RUNX3: variants seen among roughly 807,000 people sequenced by gnomAD.
RUNX3 encodes RUNX family transcription factor 3.
Under a neutral mutation model 27.7 loss-of-function variants are expected in RUNX3, and 10 were observed. That is an observed-to-expected ratio of 0.36 (90% CI 0.22 to 0.61). The LOEUF is 0.61. Among genes scored for constraint, RUNX3 ranks in the 20% least tolerant of loss-of-function variants. The probability of loss-of-function intolerance (pLI) is 0.72; values close to 1 mark genes in which losing one functional copy is unlikely to be tolerated. For synonymous variants in RUNX3, 270 were observed against 269.2 expected (o/e 1.00, Z -0.03); for missense variants, 469 against 629.5 (o/e 0.75, Z 2.73).
Position 24,914,056 on chromosome 1 carries a change from C to T in RUNX3, c.544+5184G>A, listed in dbSNP as rs551206686. On this transcript the variant is annotated intron_variant, in intron 3 of 4. Coordinates refer to ENST00000308873, the MANE Select transcript of RUNX3 (RefSeq NM_004350.3). ...GTCAAGGTCACACGGTGTGTGGCAC[C>T]CCTGAGATTCAAACCTGGAAAGGTC... Among the ~76,000 whole-genome samples the T allele has an allele frequency of 3.9e-5, 6 of 152,304 alleles. No homozygotes were observed. The South Asian group carries it at 1.2e-3, about 32-fold the overall frequency.
chr1:24,957,716 T>C (rs1439305474), intron 2 of RUNX3, among the ~76,000 whole-genome samples: 4 of 152,212 alleles, frequency 2.6e-5, no homozygotes, highest in African/African-American at 9.7e-5. Flanking sequence ...TGCCGGGCCC[T>C]GTGCTGTGCA....
intron 2 of RUNX3, among the ~76,000 whole-genome samples, chr1:24,921,233 G>A (rs1363424133): frequency 1.3e-5 from 2 of 152,196 alleles, no homozygotes; most frequent in Non-Finnish European, 2.9e-5. Flanking sequence ...AGTTCTCTTT[G>A]CATGGCCGGG....
chr1:24,953,142 G>A (rs930348001), intron 2 of RUNX3, among the ~76,000 whole-genome samples: 5 of 152,048 alleles, frequency 3.3e-5, no homozygotes, highest in South Asian at 4.2e-4. Context: ...TGAGGCGGGC[G>A]GATCACGAGG....
rs145354992 is a variant in RUNX3, at chr1:24,902,164, G to A, written c.1206C>T (p.Ser402=). Residue 402 remains serine (S), a synonymous_variant, in exon 5 of 5, where the codon AGC becomes AGT. Coordinates refer to ENST00000308873, the MANE Select transcript of RUNX3 (RefSeq NM_004350.3). The surrounding 1 kb of genome is among the most constrained non-coding windows in gnomAD (Gnocchi z 9.2). ...CGGCCTCATCCATGCGGCCTGGCGTGCTCAGGGCCGTGGGTGAGTTGCTGT... is the reference window on the plus strand; with the variant it reads ...CGGCCTCATCCATGCGGCCTGGCGTACTCAGGGCCGTGGGTGAGTTGCTGT... ...GSHSNSPTAL[S]TPGRMDEAVW... 1.7e-5 allele frequency: 27 copies of A among 1,572,382 alleles called. 1 individual carries two copies. In the African/African-American group the frequency reaches 3.6e-4, roughly 21 times the overall value.
chr1:24,962,765 C>T lies in RUNX3; in HGVS notation c.58+1749G>A, dbSNP rs1321324433. On this transcript the variant is annotated intron_variant, in intron 2 of 6. Coordinates refer to the RUNX3 transcript ENST00000338888. The surrounding 1 kb of genome is among the most constrained non-coding windows in gnomAD (Gnocchi z 4.5). ...TACATGACATGTTGGGCCAAAGCCA[C>T]CTCTCCCTTTGTGCCCTTTGTGCTA... is the stretch of plus-strand genomic sequence containing the variant. Among the ~76,000 whole-genome samples the T allele has an allele frequency of 6.6e-6, 1 of 152,186 alleles. No homozygotes were observed. The highest frequency in any genetic ancestry group is 1.9e-4 in the East Asian group (1 of 5,198).
chr1:24,927,510 A>G lies in RUNX3; in HGVS notation c.439+64T>C. 4 of 1,556,482 alleles carry G rather than the reference A, an allele frequency of 2.6e-6. No homozygotes were observed. Among genetic ancestry groups the G allele is most frequent in the Admixed American group, 1.7e-5 (1 of 59,674 alleles). ...TCGGGATTCTAAGGCCCCTCTTTCAACCTCCTTCCCTGCTGCCCCTGCCAT... is the reference window on the plus strand; with the variant it reads ...TCGGGATTCTAAGGCCCCTCTTTCAGCCTCCTTCCCTGCTGCCCCTGCCAT... On this transcript the variant is annotated intron_variant, in intron 2 of 4. Coordinates refer to ENST00000308873, the MANE Select transcript of RUNX3 (RefSeq NM_004350.3). The surrounding 1 kb of genome is among the most constrained non-coding windows in gnomAD (Gnocchi z 5.0).
At chr1:24,960,999 C>A (rs1030300546) in intron 2 of RUNX3, among the ~76,000 whole-genome samples, 1 of 152,204 alleles carries the variant, frequency 6.6e-6, no homozygotes, top group Non-Finnish European at 1.5e-5. Flanking sequence ...CATCCATGCA[C>A]CAGCCCTGAG....
chr1:24,945,109 C>T (rs1641574083), intron 2 of RUNX3, among the ~76,000 whole-genome samples: 1 of 152,164 alleles, frequency 6.6e-6, no homozygotes, highest in South Asian at 2.1e-4. Flanking sequence ...CTTGGTGTTA[C>T]ATTCGCAGAT....
Position 24,927,614 on chromosome 1 carries a change from G to C in RUNX3, c.399C>G (p.Ala133=). 2 of 1,614,144 alleles carry C rather than the reference G, an allele frequency of 1.2e-6. No homozygotes were observed. The highest frequency in any genetic ancestry group is 1.7e-6 in the Non-Finnish European group (2 of 1,180,038). Residue 133 remains alanine (A), a synonymous_variant, in exon 2 of 5, where the codon GCC becomes GCG. Coordinates refer to ENST00000308873, the MANE Select transcript of RUNX3 (RefSeq NM_004350.3). This position sits in a 1 kb window ranked among gnomAD's most constrained non-coding sequence, Gnocchi z 5.0. The part of the protein sequence containing the change: ...NASAVMKNQV[A]RFNDLRFVGR... The stretch of plus-strand genomic sequence containing the variant: ...CCACGAAGCGAAGGTCGTTGAACCT[G>C]GCCACCTGGTTCTTCATGACGGCCG...
At chr1:24,963,795 A>G (rs554841572) in intron 2 of RUNX3, among the ~76,000 whole-genome samples, 1 of 152,166 alleles carries the variant, frequency 6.6e-6, no homozygotes, top group Non-Finnish European at 1.5e-5. Flanking sequence ...TAGAGGCTCC[A>G]GGTCGGGGAT....
Position 24,902,065 on chromosome 1 carries a change from C to T in RUNX3, c.*57G>A. 2.8e-6 allele frequency: 4 copies of T among 1,428,772 alleles called. No homozygotes were observed. Among genetic ancestry groups the T allele is most frequent in the Non-Finnish European group, 3.7e-6 (4 of 1,081,190 alleles). The allele number at this position is 1,428,772 out of a possible 1,614,324, so 88.5% of individuals were successfully genotyped here. On this transcript the variant is annotated 3_prime_UTR_variant, in exon 5 of 5. Transcript: ENST00000308873. The surrounding 1 kb of genome is among the most constrained non-coding windows in gnomAD (Gnocchi z 9.2). ...CCGGAGCCTCGGAGCCGGCCCATCA[C>T]TGGTCTTGAAGGTTGTTAGGGTCCC...
Position 24,902,905 on chromosome 1 carries a change from C to T in RUNX3, c.704-239G>A, listed in dbSNP as rs1257984658. Among the ~76,000 whole-genome samples the T allele has an allele frequency of 6.6e-6, 1 of 152,190 alleles. No individual in the cohort carries two copies. Among genetic ancestry groups the T allele is most frequent in the Non-Finnish European group, 1.5e-5 (1 of 68,012 alleles). On this transcript the variant is annotated intron_variant, in intron 4 of 4. Transcript: ENST00000308873. The surrounding 1 kb of genome is among the most constrained non-coding windows in gnomAD (Gnocchi z 9.2). ...GCCAAGAGGGGCCATGGGAGCCCCCCCACAGCAGCAACAGAACAGAGGAGG... is the reference window on the plus strand; with the variant it reads ...GCCAAGAGGGGCCATGGGAGCCCCCTCACAGCAGCAACAGAACAGAGGAGG...
intron 4 of RUNX3, among the ~76,000 whole-genome samples, chr1:24,905,147 G>T (rs927685514): frequency 3.3e-5 from 5 of 152,160 alleles, no homozygotes; most frequent in Admixed American, 6.5e-5. Flanking sequence ...GTGGTGGTGG[G>T]GTGTCCCAAG....
At chr1:24,938,110 A>G (rs1385624141) in intron 2 of RUNX3, among the ~76,000 whole-genome samples, 1 of 152,220 alleles carries the variant, frequency 6.6e-6, no homozygotes, top group Admixed American at 6.5e-5. Flanking sequence ...ATAGATTGCC[A>G]TGTCCTATAA....
chr1:24,951,021 C>G (rs1331599923), intron 2 of RUNX3, among the ~76,000 whole-genome samples: 1 of 152,044 alleles, frequency 6.6e-6, no homozygotes. Flanking sequence ...TCCTGGATAA[C>G]ATGGGGAAAC....
chr1:24,951,217 A>AAAT (rs1553207428), intron 2 of RUNX3, among the ~76,000 whole-genome samples: 8 of 147,868 alleles, frequency 5.4e-5, no homozygotes, highest in East Asian at 1.9e-4. Flanking sequence ...AAAAAAAAAA[A>AAAT]AAAAAATAAG....
At chr1:24,948,175 G>T (rs572706438) in intron 2 of RUNX3, among the ~76,000 whole-genome samples, 5 of 152,342 alleles carry the variant, frequency 3.3e-5, no homozygotes, top group Admixed American at 6.5e-5. Context: ...GAAGAGGAAG[G>T]ATTTCCTGGC....
chr1:24,963,634 G>A (rs1387222965), intron 2 of RUNX3, among the ~76,000 whole-genome samples: 1 of 152,118 alleles, frequency 6.6e-6, no homozygotes, highest in African/African-American at 2.4e-5. Context: ...TTGAGCTCAG[G>A]GACTCTTGAT....
rs1279562146 is a variant in RUNX3 at position 24,907,543 on chromosome 1, G to A, written c.545-126C>T. 6.5e-6 allele frequency: 6 copies of A among 928,684 alleles called. No homozygotes were observed. The East Asian group carries it at 1.3e-4, about 21-fold the overall frequency. The allele number at this position is 928,684 out of a possible 1,614,324, so 57.5% of individuals were successfully genotyped here. On this transcript the variant is annotated intron_variant, in intron 3 of 4. Coordinates refer to ENST00000308873, the MANE Select transcript of RUNX3 (RefSeq NM_004350.3). ...TAGGCCTCTGCTGGGAGAACCCTGAGGTCACCGCCAGCCTCTTCACAGAGG... is the reference window on the plus strand; with the variant it reads ...TAGGCCTCTGCTGGGAGAACCCTGAAGTCACCGCCAGCCTCTTCACAGAGG...
Sources: gnomAD v4.1 joint callset for allele counts (sites outside exome capture counted in the v4.1 genomes callset) on GRCh38, gnomAD v4.1.1 for gene constraint, Gnocchi (gnomAD v3.1) non-coding constraint, MANE v1.5 for transcripts, NCBI Gene and HGNC (gene_info 2026-07-23, HGNC 2026-07-21) for gene names.